MYO1F: variants seen among roughly 807,000 people sequenced by gnomAD.
The protein encoded by MYO1F is myosin IF.
In MYO1F, 60 loss-of-function variants were observed where a neutral mutation model predicts 146.6. The ratio of observed to expected loss-of-function variants is 0.41; its 90% CI spans 0.33 to 0.51. The LOEUF is 0.51. MYO1F is among the 20% of genes least tolerant of loss of function. The pLI is 0.25. For missense variants in MYO1F, 1,274 were observed against 1,534.3 expected, an observed-to-expected ratio of 0.83 and a Z score of 2.83; for synonymous variants, 602 against 602.1, an observed-to-expected ratio of 1.00 and a Z score of 0.00.
intron 1 of MYO1F, among the ~76,000 whole-genome samples, chr19:8,563,533 A>G (rs2041945722): frequency 7.0e-6 from 1 of 142,116 alleles, no homozygotes; most frequent in African/African-American, 2.6e-5. Context: ...TTTGAGATGG[A>G]GTGTCTCTCT....
chr19:8,526,727 C>T, intron 23 of MYO1F, 62 bp downstream of exon 23: 1 of 1,542,154 alleles, frequency 6.5e-7, no homozygotes, highest in Middle Eastern at 2.3e-4. Context: ...GTCGGTGGGG[C>T]GGGAGAGGGT....
Position 8,552,077 on chromosome 19 carries a change from C to T in MYO1F, c.592G>A (p.Val198Ile). 6.2e-7 allele frequency: 1 copy of T among 1,614,092 alleles called. No homozygotes were observed. ...TTCCTCTCATTTTCATTTTGCATGA[C>T]CACGCGGGACTTCTCCAGCAAGAAG... ...SNFLLEKSRV[V>I]MQNENERNFH... Residue 198 changes from valine (V) to isoleucine (I), a missense_variant, in exon 7 of 28, where the codon GTC (valine) becomes ATC (isoleucine). Coordinates refer to ENST00000644032, the MANE Select transcript of MYO1F (RefSeq NM_012335.4).
At chr19:8,574,634 TTTCTTTCTTTCCTTTCTTTCTC>T (rs2042193945) in intron 1 of MYO1F, among the ~76,000 whole-genome samples, 1 of 57,532 alleles carries the variant, frequency 1.7e-5, no homozygotes, top group Non-Finnish European at 3.7e-5. Context: ...TCTTTCTTTC[TTTCTTTCTTTCCTTTCTTTCTC>T]TTTCTTCTTT....
intron 19 of MYO1F, among the ~76,000 whole-genome samples, chr19:8,533,350 TCTTCTTC>T (rs1413841237): frequency 5.6e-5 from 8 of 143,214 alleles, no homozygotes; most frequent in African/African-American, 1.8e-4. Flanking sequence ...TTCTTCTTCT[TCTTCTTC>T]TTTTTTTTTT....
In MYO1F at chr19:8,539,970, TG is replaced by T; in HGVS notation, c.1668del (p.Ser557AlafsTer18). The T allele has an allele frequency of 6.2e-7, 1 of 1,612,034 alleles. No individual in the cohort carries two copies. The highest frequency in any genetic ancestry group is 8.5e-7 in the Non-Finnish European group (1 of 1,178,924). On this transcript the variant is annotated frameshift_variant, in exon 16 of 28. Coordinates refer to ENST00000644032, the MANE Select transcript of MYO1F (RefSeq NM_012335.4). LOFTEE classifies it high-confidence loss of function. ...ACCTTGATCTTGGAGCCGGCGGTGC[TG>T]GGGCGCCCCTTCTTGTCTCCATCCA... The part of the protein sequence containing the change: ...EKLDGDKKGR[P>X]STAGSKIKKQ...
chr19:8,559,110 G>T (rs1973970915), intron 1 of MYO1F, among the ~76,000 whole-genome samples: 1 of 151,858 alleles, frequency 6.6e-6, no homozygotes, highest in Admixed American at 6.6e-5. Context: ...GAACTCCTGA[G>T]TTCAAGCGAC....
intron 1 of MYO1F, among the ~76,000 whole-genome samples, chr19:8,567,393 G>A (rs1419647501): frequency 6.6e-6 from 1 of 151,744 alleles, no homozygotes; most frequent in African/African-American, 2.4e-5. Flanking sequence ...TTGAGACAAA[G>A]TCTTGCTCTG....
rs746924954 is a variant in MYO1F, at chr19:8,550,321, T to G, written c.940A>C (p.Ser314Arg). The G allele has an allele frequency of 1.2e-6, 2 of 1,613,782 alleles. No homozygotes were observed. The highest frequency in any genetic ancestry group is 4.5e-5 in the East Asian group (2 of 44,864). The change falls in exon 10 of 28, where the codon AGC (serine) becomes CGC (arginine). Residue 314 changes from serine (S) to arginine (R), a missense_variant. Coordinates refer to ENST00000644032, the MANE Select transcript of MYO1F (RefSeq NM_012335.4). ...AFPAYLLGID[S>R]GRLQEKLTSR... ...GTCAGCTTCTCCTGCAGTCGCCCGC[T>G]GTCAATGCCCAGCAGGTAGGCGGGA...
chr19:8,541,716 A>G (rs1972980170), intron 15 of MYO1F, 190 bp downstream of exon 15: 1 of 635,822 alleles, frequency 1.6e-6, no homozygotes, highest in Non-Finnish European at 2.9e-6. Context: ...GGCGTGAGCC[A>G]CTGCGCCCGG....
intron 1 of MYO1F, among the ~76,000 whole-genome samples, chr19:8,560,698 C>A (rs62119402): frequency 6.7e-6 from 1 of 150,256 alleles, no homozygotes. Flanking sequence ...GTCTCAGCCT[C>A]CTGTGTAGCT....
chr19:8,537,569 G>A (rs1972782175), intron 16 of MYO1F, among the ~76,000 whole-genome samples: 1 of 152,058 alleles, frequency 6.6e-6, no homozygotes, highest in African/African-American at 2.4e-5. Flanking sequence ...AGCCTCCCAA[G>A]TAGCTGGGAT....
At chr19:8,559,661 T>A (rs1973995960) in intron 1 of MYO1F, among the ~76,000 whole-genome samples, 1 of 151,786 alleles carries the variant, frequency 6.6e-6, no homozygotes, top group Non-Finnish European at 1.5e-5. Context: ...TTTGAAAGAA[T>A]TAACACGACC....
Position 8,544,041 on chromosome 19 carries a change from C to CTGGTGG in MYO1F, c.1524+250_1524+255dup, listed in dbSNP as rs1192452702. ...GGCGGTGGCGGTGGCGGTGGCGGTG[C>CTGGTGG]TGGTGGTGGTGGTGGTGGTGGTGGT... On this transcript the variant is annotated intron_variant, in intron 14 of 27. Coordinates refer to ENST00000644032, the MANE Select transcript of MYO1F (RefSeq NM_012335.4). 132 of 212,522 alleles carry CTGGTGG rather than the reference C, an allele frequency of 6.2e-4. 2 individuals are homozygous for CTGGTGG. The African/African-American group carries it at 0.01, about 17-fold the overall frequency. The allele number at this position is 212,522 out of a possible 1,614,324, so 13.2% of individuals were successfully genotyped here.
intron 12 of MYO1F, 100 bp from the exon 13 acceptor site, chr19:8,545,836 G>C: frequency 1.1e-6 from 1 of 873,692 alleles, no homozygotes; most frequent in Non-Finnish European, 2.0e-6. Context: ...ACTTAGGACT[G>C]TCTCTGGTAA....
chr19:8,551,576 T>C, intron 8 of MYO1F, 164 bp downstream of exon 8: 1 of 999,236 alleles, frequency 1.0e-6, no homozygotes, highest in Non-Finnish European at 1.5e-6. Flanking sequence ...GGTCTTAAAC[T>C]CCTGACCTTA....
intron 1 of MYO1F, among the ~76,000 whole-genome samples, chr19:8,561,181 G>T (rs1465672795): frequency 4.6e-5 from 7 of 152,148 alleles, no homozygotes; most frequent in Non-Finnish European, 7.3e-5. Context: ...ACTGTGCCTG[G>T]CCTGAGAAGG....
Position 8,547,957 on chromosome 19 carries a change from A to C in MYO1F, c.1269+79T>G. On this transcript the variant is annotated intron_variant, in intron 12 of 27. Transcript: ENST00000644032. ...GGTGGGGAGGGCTGGGGTGTCCCCT[A>C]GTTGCTAAGGGATCCTCATGGTCCT... 4.3e-6 allele frequency: 6 copies of C among 1,379,454 alleles called. No homozygotes were observed. The East Asian group carries it at 6.9e-5, about 16-fold the overall frequency. The allele number at this position is 1,379,454 out of a possible 1,614,324, so 85.5% of individuals were successfully genotyped here.
Position 8,526,613 on chromosome 19 carries a change from G to A in MYO1F, c.2622-12C>T, listed in dbSNP as rs1165023640. On this transcript the variant is annotated splice_polypyrimidine_tract_variant and intron_variant, in intron 23 of 27. Transcript: ENST00000644032. Reference sequence around the variant, plus strand: ...CCCGAAACTGTAGTCTATGGGGAGAGAAGAAAGCTTGGGGGCGCTGGCTGA... The same window carrying A: ...CCCGAAACTGTAGTCTATGGGGAGAAAAGAAAGCTTGGGGGCGCTGGCTGA... The A allele has an allele frequency of 6.3e-7, 1 of 1,588,306 alleles. No individual in the cohort carries two copies.
intron 6 of MYO1F, among the ~76,000 whole-genome samples, 181 bp from the exon 7 acceptor site, chr19:8,552,345 A>G (rs993182420): frequency 1.3e-5 from 2 of 150,542 alleles, no homozygotes; most frequent in African/African-American, 4.9e-5. Flanking sequence ...TGCAACGTCC[A>G]CCTCCTGGGT....
Sources: allele counts gnomAD v4.1 joint callset (sites outside exome capture counted in the v4.1 genomes callset), GRCh38; gene constraint gnomAD v4.1.1; transcripts MANE v1.5; gene names NCBI Gene and HGNC (gene_info 2026-07-23, HGNC 2026-07-21).